Variants in MON2 observed in about 807,000 individuals in gnomAD.
The protein encoded by MON2 is protein MON2 homolog.
In MON2, 84 loss-of-function variants were observed where a neutral mutation model predicts 208.6. The observed-to-expected ratio is 0.40, with a 90% confidence interval of 0.34 to 0.48. MON2 has a LOEUF of 0.48. Ranked by LOEUF, MON2 falls within the 20% of genes least tolerant of loss-of-function variation. The pLI is 0.59. For synonymous variants in MON2, 660 were observed against 694.0 expected (o/e 0.95, Z 0.77); for missense variants, 1,611 against 2,015.4 (o/e 0.80, Z 3.84).
rs151276772 is a variant in MON2, at chr12:62,561,053, C to T, written c.3972C>T (p.Thr1324=). 1.3e-3 allele frequency: 2,062 copies of T among 1,612,926 alleles called. 11 individuals are homozygous for T. Among genetic ancestry groups the T allele is most frequent in the South Asian group, 3.7e-3 (338 of 90,958 alleles). ...DASPFILPSY[T]EAVLTSLQEA... is the part of the protein sequence containing the mutation. ...CCCCTTTTATTCTTCCATCTTATAC[C>T]GAAGCAGTTTTGACAAGTTTACAGG... Residue 1324 remains threonine, a synonymous_variant, in exon 26 of 35, where the codon ACC becomes ACT. Coordinates refer to ENST00000393630, the MANE Select transcript of MON2 (RefSeq NM_015026.3).
At chr12:62,491,068 CA>C (rs749767122) in intron 2 of MON2, among the ~76,000 whole-genome samples, 63 of 152,222 alleles carry the variant, frequency 4.1e-4, no homozygotes, top group Non-Finnish European at 8.5e-4. Flanking sequence ...TGAACTTGTT[CA>C]TGGTTCTTCA....
intron 34 of MON2, among the ~76,000 whole-genome samples, chr12:62,589,833 A>C (rs947840983): frequency 9.9e-5 from 15 of 152,044 alleles, no homozygotes; most frequent in African/African-American, 3.1e-4. Flanking sequence ...CAAAGCCAAT[A>C]GGTTATATGT....
chr12:62,489,287 T>C lies in MON2; in HGVS notation c.176-4628T>C, dbSNP rs142509874. Among the ~76,000 whole-genome samples the C allele has an allele frequency of 4.3e-3, 656 of 152,268 alleles. 7 individuals carry two copies. The highest frequency in any genetic ancestry group is 0.015 in the African/African-American group (623 of 41,586). On this transcript the variant is annotated intron_variant, in intron 2 of 34. Coordinates refer to ENST00000393630, the MANE Select transcript of MON2 (RefSeq NM_015026.3). ...CAGGATTATTATTTTTAAAAGTCTT[T>C]TGGTAATTAAATAGACAAATGAATT...
chr12:62,564,644 C>T (rs1395216529), intron 26 of MON2, among the ~76,000 whole-genome samples: 1 of 151,976 alleles, frequency 6.6e-6, no homozygotes, highest in Non-Finnish European at 1.5e-5. Context: ...AAAATGTTTT[C>T]TTATATTAAA....
rs1166913857 is a variant in MON2, at chr12:62,544,877, CTT to C, written c.2467-20_2467-19del. The C allele has an allele frequency of 6.3e-7, 1 of 1,594,136 alleles. No homozygotes were observed. The highest frequency in any genetic ancestry group is 8.6e-7 in the Non-Finnish European group (1 of 1,166,218). On this transcript the variant is annotated intron_variant, in intron 20 of 34. Coordinates refer to ENST00000393630, the MANE Select transcript of MON2 (RefSeq NM_015026.3). The stretch of plus-strand genomic sequence containing the variant: ...TCATAGCTTAAGTATACAAATTAAA[CTT>C]AATTTTATATACCTTCAGGTCTGCC...
chr12:62,583,943 G>C (rs1184316541), intron 32 of MON2, among the ~76,000 whole-genome samples: 4 of 139,924 alleles, frequency 2.9e-5, no homozygotes, highest in Admixed American at 2.2e-4. Flanking sequence ...CTGGGTGACA[G>C]AGTGAAGACC....
intron 33 of MON2, among the ~76,000 whole-genome samples, chr12:62,586,288 T>G (rs1454197110): frequency 6.6e-6 from 1 of 152,220 alleles, no homozygotes; most frequent in African/African-American, 2.4e-5. Flanking sequence ...TCACCAGTGT[T>G]AAATCTTTGT....
intron 22 of MON2, among the ~76,000 whole-genome samples, 174 bp downstream of exon 22, chr12:62,547,246 G>A (rs1488235024): frequency 6.6e-6 from 1 of 152,216 alleles, no homozygotes. Context: ...ATCTGTAATA[G>A]TTTTTCTTAA....
intron 8 of MON2, among the ~76,000 whole-genome samples, chr12:62,514,069 T>G (rs1262939618): frequency 6.6e-6 from 1 of 151,724 alleles, no homozygotes; most frequent in Non-Finnish European, 1.5e-5. Flanking sequence ...CCAGTCCCTT[T>G]GCTAAAACAT....
Position 62,539,246 on chromosome 12 carries a change from A to G in MON2, c.2364+741A>G, listed in dbSNP as rs139273700. The stretch of plus-strand genomic sequence containing the variant: ...TAAAGCTATAACATGTAACTGTAGC[A>G]TTCAAAATTATGTTGTCTGCCTAGT... On this transcript the variant is annotated intron_variant, in intron 19 of 34. Transcript: ENST00000393630. 4.3e-3 allele frequency among the ~76,000 whole-genome samples: 655 copies of G among 152,126 alleles called. 7 individuals carry two copies. The highest frequency in any genetic ancestry group is 0.015 in the African/African-American group (621 of 41,532).
chr12:62,561,503 G>A (rs996160075), intron 26 of MON2, among the ~76,000 whole-genome samples: 1 of 151,806 alleles, frequency 6.6e-6, no homozygotes, highest in Non-Finnish European at 1.5e-5. Flanking sequence ...ATTTAGTTCT[G>A]AAATTATTGA....
At chr12:62,471,961 G>T (rs2068810589) in intron 1 of MON2, among the ~76,000 whole-genome samples, 1 of 152,188 alleles carries the variant, frequency 6.6e-6, no homozygotes, top group South Asian at 2.1e-4. Flanking sequence ...CTGCTTTCTT[G>T]CGAAGATAAG....
chr12:62,525,272 AT>A, intron 10 of MON2, 52 bp downstream of exon 10: 1 of 1,581,206 alleles, frequency 6.3e-7, no homozygotes. Context: ...AAGTTACAGT[AT>A]TGACTGTTCT....
At chr12:62,503,406 A>G (rs1390330151) in intron 7 of MON2, among the ~76,000 whole-genome samples, 1 of 152,212 alleles carries the variant, frequency 6.6e-6, no homozygotes, top group Non-Finnish European at 1.5e-5. Context: ...ATTCTAGTCT[A>G]AGCTACCATC....
intron 29 of MON2, among the ~76,000 whole-genome samples, chr12:62,569,226 C>T (rs1252792696): frequency 6.6e-6 from 1 of 152,124 alleles, no homozygotes; most frequent in Non-Finnish European, 1.5e-5. Context: ...CAGTAGCAAA[C>T]CATACTTTTC....
intron 12 of MON2, among the ~76,000 whole-genome samples, chr12:62,532,940 G>A (rs1041709955): frequency 6.6e-6 from 1 of 152,076 alleles, no homozygotes; most frequent in Non-Finnish European, 1.5e-5. Context: ...GTGTATCATA[G>A]TACAATCACC....
chr12:62,573,866 A>C (rs1216455689), intron 30 of MON2, among the ~76,000 whole-genome samples: 1 of 152,190 alleles, frequency 6.6e-6, no homozygotes, highest in Non-Finnish European at 1.5e-5. Flanking sequence ...GTATCAATGC[A>C]GTTGTAGTAT....
chr12:62,535,399 G>A, intron 13 of MON2, 126 bp from the exon 14 acceptor site: 1 of 733,852 alleles, frequency 1.4e-6, no homozygotes, highest in Non-Finnish European at 2.1e-6. Context: ...AAGTATATTG[G>A]TAATATTTTG....
intron 3 of MON2, 94 bp downstream of exon 3, chr12:62,494,136 C>A: frequency 8.4e-7 from 1 of 1,195,016 alleles, no homozygotes; most frequent in Non-Finnish European, 1.2e-6. Flanking sequence ...TAATATAAAA[C>A]TTTTACAAAT....
Sources: gnomAD v4.1 joint callset for allele counts (sites outside exome capture counted in the v4.1 genomes callset) on GRCh38, gnomAD v4.1.1 for gene constraint, MANE v1.5 for transcripts, NCBI Gene and HGNC (gene_info 2026-07-23, HGNC 2026-07-21) for gene names.